The following UACA variants were observed in gnomAD, a reference collection of about 807,000 sequenced individuals.
UACA encodes nuclear membrane binding protein.
Under a neutral mutation model 160.5 loss-of-function variants are expected in UACA, and 112 were observed. The observed-to-expected ratio is 0.70, with a 90% confidence interval of 0.60 to 0.82. UACA has a LOEUF of 0.82. Among genes scored for constraint, UACA ranks in the 40% least tolerant of loss-of-function variants. UACA has a pLI of 0.00. For synonymous variants in UACA, 557 were observed against 568.4 expected, an observed-to-expected ratio of 0.98 and a Z score of 0.29; for missense variants, 1,574 against 1,614.6, an observed-to-expected ratio of 0.97 and a Z score of 0.43.
At chr15:70,683,360 A>T (rs1056431405) in intron 8 of UACA, among the ~76,000 whole-genome samples, 1 of 150,826 alleles carries the variant, frequency 6.6e-6, no homozygotes, top group Non-Finnish European at 1.5e-5. Flanking sequence ...CCCCATATCT[A>T]AAAAAAAAGA....
intron 1 of UACA, among the ~76,000 whole-genome samples, chr15:70,704,203 C>G (rs1898460102): frequency 6.6e-6 from 1 of 152,196 alleles, no homozygotes; most frequent in Admixed American, 6.5e-5. Flanking sequence ...GAACCAGAAT[C>G]CACATCTGCT....
intron 1 of UACA, chr15:70,702,325 G>A (rs750584092): frequency 7.9e-5 from 78 of 992,434 alleles, no homozygotes; most frequent in Non-Finnish European, 7.5e-5. Context: ...GTCCACATCC[G>A]AATTGTCCGG....
At chr15:70,660,667 G>C (rs1350206535) in intron 17 of UACA, 1 of 153,490 alleles carries the variant, frequency 6.5e-6, no homozygotes, top group African/African-American at 2.4e-5. Context: ...AAATTCATCA[G>C]TTTGGTTCTC....
rs1436356819 is a variant in UACA, at chr15:70,672,109, C to T, written c.1132-108G>A. The T allele has an allele frequency of 1.4e-5, 13 of 915,394 alleles. No individual in the cohort carries two copies. In the Admixed American group the frequency reaches 3.7e-4, roughly 26 times the overall value. The allele number at this position is 915,394 out of a possible 1,614,324, so 56.7% of individuals were successfully genotyped here. A position where few individuals can be genotyped will look rare whatever the true frequency, so the allele number is the denominator to read the frequency against. ...GCAGTCATTAAAACTACATTTTTGA[C>T]ATTCTTGTTTCTCCAGAGCATTATT... On this transcript the variant is annotated intron_variant, in intron 13 of 18. Coordinates refer to ENST00000322954, the MANE Select transcript of UACA (RefSeq NM_018003.4).
intron 1 of UACA, among the ~76,000 whole-genome samples, chr15:70,755,825 T>C (rs1438656214): frequency 6.6e-6 from 1 of 152,162 alleles, no homozygotes. Context: ...AGAATTAGTT[T>C]CCAAATCTGA....
intron 4 of UACA, among the ~76,000 whole-genome samples, chr15:70,690,732 T>C (rs1366992785): frequency 1.3e-5 from 2 of 152,162 alleles, no homozygotes; most frequent in Non-Finnish European, 2.9e-5. Flanking sequence ...ATATGGTACA[T>C]TATAATGAAT....
intron 8 of UACA, among the ~76,000 whole-genome samples, chr15:70,683,005 A>G (rs140688869): frequency 5.7e-4 from 87 of 152,276 alleles, no homozygotes; most frequent in African/African-American, 2.0e-3. Flanking sequence ...AAATTTTTAT[A>G]ACAATATTCA....
At chr15:70,696,039 G>A (rs1057481830) in intron 2 of UACA, among the ~76,000 whole-genome samples, 1 of 152,108 alleles carries the variant, frequency 6.6e-6, no homozygotes, top group Non-Finnish European at 1.5e-5. Context: ...AAATAGAACT[G>A]AGGCCTTAAG....
At chr15:70,748,297 A>G (rs1449805033) in intron 1 of UACA, among the ~76,000 whole-genome samples, 1 of 152,228 alleles carries the variant, frequency 6.6e-6, no homozygotes, top group Non-Finnish European at 1.5e-5. Flanking sequence ...ACAGAAATTG[A>G]GCATCTCTCT....
At chr15:70,709,752 G>A (rs2140977854) in intron 1 of UACA, among the ~76,000 whole-genome samples, 1 of 152,262 alleles carries the variant, frequency 6.6e-6, no homozygotes, top group South Asian at 2.1e-4. Context: ...AAATAAGTAA[G>A]TAGACTTTAA....
intron 1 of UACA, among the ~76,000 whole-genome samples, chr15:70,706,385 T>C (rs1898523068): frequency 6.6e-6 from 1 of 152,044 alleles, no homozygotes; most frequent in South Asian, 2.1e-4. Context: ...GATGCTGCTC[T>C]GGCCATTTCT....
chr15:70,769,408 G>A, the UACA span, among the ~76,000 whole-genome samples: 53 of 150,464 alleles, frequency 3.5e-4, no homozygotes, highest in African/African-American at 1.2e-3. Flanking sequence ...CGAGCTTTAT[G>A]GTAGATGATG....
intron 9 of UACA, among the ~76,000 whole-genome samples, chr15:70,682,275 A>C (rs1172468677): frequency 1.2e-4 from 18 of 152,236 alleles, no homozygotes; most frequent in Admixed American, 1.2e-3. Flanking sequence ...AAAAGACTGA[A>C]GAAGAAATAA....
intron 17 of UACA, among the ~76,000 whole-genome samples, chr15:70,661,868 A>G (rs578198692): frequency 4.6e-4 from 70 of 152,316 alleles, no homozygotes; most frequent in Non-Finnish European, 7.9e-4. Flanking sequence ...TCTCAAAATA[A>G]TAAGAGCTAT....
At chr15:70,747,925 ATATTCT>A (rs1460047910) in intron 1 of UACA, among the ~76,000 whole-genome samples, 7 of 152,348 alleles carry the variant, frequency 4.6e-5, no homozygotes, top group Admixed American at 2.6e-4. Flanking sequence ...ATGAAATAAT[ATATTCT>A]TAAATACAAG....
chr15:70,699,992 G>A (rs1329149081), intron 1 of UACA, among the ~76,000 whole-genome samples: 2 of 151,950 alleles, frequency 1.3e-5, no homozygotes, highest in Non-Finnish European at 2.9e-5. Context: ...AGGCACTAAA[G>A]TCCCAATCAA....
chr15:70,655,191 A>G lies in UACA; in HGVS notation c.*1865T>C, dbSNP rs1403754022. On this transcript the variant is annotated 3_prime_UTR_variant, in exon 19 of 19. Transcript: ENST00000322954. ...CCATCTCTAATATGGAAAATAAAAC[A>G]CTTAATATGAATACTCAGTTTTAAA... The G allele has an allele frequency of 6.6e-6, 1 of 152,180 alleles. No individual in the cohort carries two copies. Among genetic ancestry groups the G allele is most frequent in the African/African-American group, 2.4e-5 (1 of 41,454 alleles). 9.4% of individuals were successfully genotyped at this position (152,180 alleles called of 1,614,324 possible).
At chr15:70,746,538 G>A (rs1360027647) in intron 1 of UACA, among the ~76,000 whole-genome samples, 2 of 152,182 alleles carry the variant, frequency 1.3e-5, no homozygotes, top group South Asian at 4.1e-4. Flanking sequence ...GTTGGTGGGA[G>A]TGTAAATTAG....
At chr15:70,711,336 G>T (rs905883333) in intron 1 of UACA, among the ~76,000 whole-genome samples, 1 of 151,772 alleles carries the variant, frequency 6.6e-6, no homozygotes, top group African/African-American at 2.4e-5. Context: ...AAGTACCAAA[G>T]AACTGCCAGA....
Sources: gnomAD v4.1 joint callset for allele counts (sites outside exome capture counted in the v4.1 genomes callset) on GRCh38, gnomAD v4.1.1 for gene constraint, MANE v1.5 for transcripts, NCBI Gene and HGNC (gene_info 2026-07-23, HGNC 2026-07-21) for gene names.